TACC2: variants seen among roughly 807,000 people sequenced by gnomAD.
TACC2 encodes the protein transforming acidic coiled-coil containing protein 2, also known as transforming acidic coiled-coil-containing protein 2.
TACC2 carries 137 observed loss-of-function variants against 227.3 expected under a neutral mutation model. That is an observed-to-expected ratio of 0.60 (90% CI 0.52 to 0.69). The LOEUF (loss-of-function observed/expected upper bound fraction) is 0.69. Among genes scored for constraint, TACC2 ranks in the 30% least tolerant of loss-of-function variants. The pLI, the probability that TACC2 is intolerant of heterozygous loss-of-function variation, is 0.00. For synonymous variants in TACC2, 1,523 were observed against 1,487.5 expected (o/e 1.02, Z -0.55); for missense variants, 3,470 against 3,694.4 (o/e 0.94, Z 1.57).
intron 19 of TACC2, 143 bp from the exon 20 acceptor site, chr10:122,248,500 G>A (rs1285164522): frequency 2.3e-5 from 21 of 930,386 alleles, no homozygotes; most frequent in Non-Finnish European, 3.5e-5. Context: ...GGGCTCTGGG[G>A]CGTGGGTTCG....
intron 22 of TACC2, among the ~76,000 whole-genome samples, chr10:122,250,961 C>A (rs182758976): frequency 7.2e-5 from 10 of 138,652 alleles, no homozygotes; most frequent in Non-Finnish European, 1.4e-4. Context: ...ATTCTGTTGC[C>A]CAGGCTGGAG....
rs572089390 is a variant in TACC2, at chr10:122,149,147, C to T, written c.5834+5441C>T. On this transcript the variant is annotated intron_variant, in intron 7 of 22. Transcript: ENST00000369005. The stretch of plus-strand genomic sequence containing the variant: ...TCACCAAGGCAGCCACAGCTGACCT[C>T]TGAGAGCTTGTGGCAAAGAGCCTGG... 2.6e-5 allele frequency among the ~76,000 whole-genome samples: 4 copies of T among 152,378 alleles called. No individual in the cohort carries two copies. In the South Asian group the frequency reaches 8.3e-4, roughly 32 times the overall value.
intron 2 of TACC2, among the ~76,000 whole-genome samples, chr10:122,029,587 C>T (rs1958670657): frequency 6.6e-6 from 1 of 152,114 alleles, no homozygotes; most frequent in South Asian, 2.1e-4. Context: ...AAAATGTTGG[C>T]AACTAATTTC....
intron 11 of TACC2, among the ~76,000 whole-genome samples, chr10:122,224,418 G>A (rs866159869): frequency 5.3e-5 from 8 of 152,158 alleles, no homozygotes; most frequent in South Asian, 2.1e-4. Flanking sequence ...AACACTCAGC[G>A]CAGAGTGCTC....
At position 122,085,864 on chromosome 10, in the gene TACC2, G is replaced by A. The variant is rs977241449; in HGVS notation, c.3364G>A (p.Glu1122Lys). The A allele has an allele frequency of 1.2e-6, 2 of 1,613,166 alleles. No individual in the cohort carries two copies. The highest frequency in any genetic ancestry group is 3.3e-5 in the Admixed American group (2 of 59,912). Reference protein sequence around the residue: ...KLLASFPSAGEQGGEAGAAET... With the variant: ...KLLASFPSAGKQGGEAGAAET... Reference sequence around the variant, plus strand: ...TCTTGCAAGTTTCCCATCAGCTGGGGAGCAAGGTGGTGAAGCCGGGGCTGC... The same window carrying A: ...TCTTGCAAGTTTCCCATCAGCTGGGAAGCAAGGTGGTGAAGCCGGGGCTGC... Residue 1122 changes from glutamate (E) to lysine (K), a missense_variant, in exon 4 of 23, where the codon GAG becomes AAG. Coordinates refer to ENST00000369005, the MANE Select transcript of TACC2 (RefSeq NM_206862.4).
chr10:122,210,492 G>T lies in TACC2; in HGVS notation c.6067G>T (p.Val2023Phe), dbSNP rs1008585258. 3 of 1,613,964 alleles carry T rather than the reference G, an allele frequency of 1.9e-6. No homozygotes were observed. The highest frequency in any genetic ancestry group is 2.5e-6 in the Non-Finnish European group (3 of 1,180,006). ...FRPPSHSFSAVFDEDKPIASS... is the reference protein window; with the variant it reads ...FRPPSHSFSAFFDEDKPIASS... ...TCCCCCGTCACACTCCTTCTCTGCC[G>T]TCTTCGATGAAGACAAGCCGATAGC... is the stretch of plus-strand genomic sequence containing the variant. Residue 2023 changes from valine to phenylalanine, a missense_variant, in exon 9 of 23, where the codon GTC becomes TTC. By Grantham distance (50) the Val-to-Phe change is conservative. Transcript: ENST00000369005. The surrounding 1 kb of genome is among the most constrained non-coding windows in gnomAD (Gnocchi z 4.6).
Position 122,216,638 on chromosome 10 carries a change from A to G in TACC2, c.7356A>G (p.Pro2452=). 2 of 1,613,740 alleles carry G rather than the reference A, an allele frequency of 1.2e-6. No individual in the cohort carries two copies. Among genetic ancestry groups the G allele is most frequent in the South Asian group, 1.1e-5 (1 of 91,050 alleles). Residue 2452 remains proline, a synonymous_variant, in exon 11 of 23, where the codon CCA becomes CCG. Coordinates refer to ENST00000369005, the MANE Select transcript of TACC2 (RefSeq NM_206862.4). Reference sequence around the variant, plus strand: ...TCTTCTCTTTGCAGGACCCCACCCCAGCTGCTACACCAGAAACACCACCAG... The same window carrying G: ...TCTTCTCTTTGCAGGACCCCACCCCGGCTGCTACACCAGAAACACCACCAG... ...LSDPPSQDPT[P]AATPETPPVI...
At chr10:122,176,109 C>CTATA (rs2093695012) in intron 7 of TACC2, among the ~76,000 whole-genome samples, 18 of 68,062 alleles carry the variant, frequency 2.6e-4, no homozygotes, top group Admixed American at 4.4e-4. Flanking sequence ...CTCTCTCTCT[C>CTATA]TCTCTCTCTA....
intron 16 of TACC2, among the ~76,000 whole-genome samples, chr10:122,233,367 C>T (rs2095795733): frequency 1.3e-5 from 2 of 152,102 alleles, no homozygotes; most frequent in African/African-American, 4.8e-5. Context: ...ATTGGGGGAC[C>T]CAATATAAAG....
Position 122,085,636 on chromosome 10 carries a change from T to G in TACC2, c.3136T>G (p.Cys1046Gly). The change falls in exon 4 of 23, where the codon TGT (cysteine) becomes GGT (glycine). Residue 1046 changes from cysteine to glycine, a missense_variant. This residue lies in a region of TACC2 where 1,924 missense variants were observed against 1,978.3 expected (regional missense o/e 0.97). Transcript: ENST00000369005. Reference protein sequence around the residue: ...ASGNTGEAPPCQPDSVALLDA... With the variant: ...ASGNTGEAPPGQPDSVALLDA... Reference sequence around the variant, plus strand: ...TGGAAACACAGGGGAGGCCCCACCTTGTCAGCCTGACTCAGTAGCTCTCCT... The same window carrying G: ...TGGAAACACAGGGGAGGCCCCACCTGGTCAGCCTGACTCAGTAGCTCTCCT... 3 of 1,613,366 alleles carry G rather than the reference T, an allele frequency of 1.9e-6. No homozygotes were observed. The highest frequency in any genetic ancestry group is 2.5e-6 in the Non-Finnish European group (3 of 1,180,014).
At chr10:121,994,053 C>T (rs1350687367) in intron 1 of TACC2, among the ~76,000 whole-genome samples, 1 of 152,180 alleles carries the variant, frequency 6.6e-6, no homozygotes, top group African/African-American at 2.4e-5. Flanking sequence ...GAGCTCCTCA[C>T]CCTTTCTCCA....
At chr10:122,047,753 C>T (rs1210385774) in intron 2 of TACC2, among the ~76,000 whole-genome samples, 1 of 152,212 alleles carries the variant, frequency 6.6e-6, no homozygotes, top group Non-Finnish European at 1.5e-5. Flanking sequence ...AATTCAATGA[C>T]ATAGTTCATG....
intron 5 of TACC2, among the ~76,000 whole-genome samples, chr10:122,112,396 T>TTAGC (rs1417841141): frequency 2.0e-5 from 3 of 152,200 alleles, no homozygotes; most frequent in African/African-American, 7.2e-5. Context: ...TGGTTTGGAT[T>TTAGC]TAGCCTCTGC....
At chr10:122,207,721 G>T (rs889511284) in intron 8 of TACC2, among the ~76,000 whole-genome samples, 1 of 152,244 alleles carries the variant, frequency 6.6e-6, no homozygotes, top group Non-Finnish European at 1.5e-5. Context: ...AAGCAGGCAG[G>T]GAGCTCTTTC....
rs905019210 is a variant in TACC2, at chr10:122,083,800, G to A, written c.1300G>A (p.Val434Ile). The stretch of plus-strand genomic sequence containing the variant: ...CCCAGCTGCTCAGATTCCTATTGCT[G>A]TAGAAGAACCTGGATCATCATCCAG... Reference protein sequence around the residue: ...SFPAAQIPIAVEEPGSSSRES... With the variant: ...SFPAAQIPIAIEEPGSSSRES... Residue 434 changes from valine (V) to isoleucine (I), a missense_variant, in exon 4 of 23, where the codon GTA becomes ATA. Physicochemically the swap from Val to Ile is conservative, Grantham distance 29. This residue lies in a region of TACC2 where 1,924 missense variants were observed against 1,978.3 expected (regional missense o/e 0.97). Transcript: ENST00000369005. 18 of 1,614,054 alleles carry A rather than the reference G, an allele frequency of 1.1e-5. No individual in the cohort carries two copies. Among genetic ancestry groups the A allele is most frequent in the Non-Finnish European group, 1.4e-5 (17 of 1,180,040 alleles).
chr10:122,017,322 C>T (rs1269825348), intron 1 of TACC2, among the ~76,000 whole-genome samples: 1 of 152,122 alleles, frequency 6.6e-6, no homozygotes, highest in Non-Finnish European at 1.5e-5. Context: ...CATGCGTCGC[C>T]TGCGAAGTCC....
chr10:122,172,072 T>G (rs1245017780), intron 7 of TACC2, among the ~76,000 whole-genome samples: 1 of 152,126 alleles, frequency 6.6e-6, no homozygotes, highest in Non-Finnish European at 1.5e-5. Context: ...ACATGTGGGC[T>G]CTCGGTACCT....
In TACC2 at chr10:122,087,871, A is replaced by G; in HGVS notation, c.5371A>G (p.Lys1791Glu). The change falls in exon 4 of 23, where the codon AAG (lysine) becomes GAG (glutamate). Residue 1791 changes from lysine (K) to glutamate (E), a missense_variant. By Grantham distance (56) the Lys-to-Glu change is moderately conservative. Transcript: ENST00000369005. Reference protein sequence around the residue: ...PERPIPAGDGKVCVSSPPEPD... With the variant: ...PERPIPAGDGEVCVSSPPEPD... ...GCGCCCCATTCCAGCTGGGGATGGG[A>G]AGGTGTGCGTCTCCTCACCTCCAGA... is the stretch of plus-strand genomic sequence containing the variant. 6.6e-7 allele frequency: 1 copy of G among 1,521,960 alleles called. No individual in the cohort carries two copies. Among genetic ancestry groups the G allele is most frequent in the Non-Finnish European group, 8.8e-7 (1 of 1,136,212 alleles). 94.3% of individuals were successfully genotyped at this position (1,521,960 alleles called of 1,614,324 possible).
intron 1 of TACC2, among the ~76,000 whole-genome samples, chr10:122,020,553 T>C (rs956843794): frequency 1.3e-5 from 2 of 152,198 alleles, no homozygotes; most frequent in Admixed American, 6.5e-5. Context: ...CTTAAATGAA[T>C]AAGCAAGTCA....
Sources: allele counts gnomAD v4.1 joint callset (sites outside exome capture counted in the v4.1 genomes callset), GRCh38; gene constraint gnomAD v4.1.1; regional missense constraint gnomAD v4.1.1; non-coding constraint Gnocchi (gnomAD v3.1); transcripts MANE v1.5; gene names NCBI Gene and HGNC (gene_info 2026-07-23, HGNC 2026-07-21).